ARHGAP15: variants seen among roughly 807,000 people sequenced by gnomAD.
ARHGAP15 encodes Rho GTPase activating protein 15, also known as rho GTPase-activating protein 15.
ARHGAP15 carries 51 observed loss-of-function variants against 63.7 expected under a neutral mutation model. The observed-to-expected ratio is 0.80, with a 90% CI of 0.64 to 1.01. The LOEUF (loss-of-function observed/expected upper bound fraction) is 1.01, where lower values mean the gene tolerates loss of function less well. Ranked by LOEUF, ARHGAP15 falls within the 50% of genes least tolerant of loss-of-function variation. ARHGAP15 has a pLI of 0.00. For missense variants in ARHGAP15, 560 were observed against 564.6 expected, an observed-to-expected ratio of 0.99 and a Z score of 0.08; for synonymous variants, 191 against 193.8, an observed-to-expected ratio of 0.99 and a Z score of 0.12.
chr2:143,765,148 G>GTGTGTGTGTGTGT lies in ARHGAP15; in HGVS notation c.1245-2840_1245-2839insGTGTGTGTGTGTT, dbSNP rs1559166659. On this transcript the variant is annotated intron_variant, in intron 13 of 13. Coordinates refer to ENST00000295095, the MANE Select transcript of ARHGAP15 (RefSeq NM_018460.4). ...GTGTGTGTGTGTGTGTGTGTGTGTG[G>GTGTGTGTGTGTGT]TAAAATTAATGAAGGAGTTCCCATC... Among the ~76,000 whole-genome samples the GTGTGTGTGTGTGT allele has an allele frequency of 3.9e-5, 5 of 127,632 alleles. No homozygotes were observed. In the East Asian group the frequency reaches 9.2e-4, roughly 24 times the overall value. 83.7% of individuals were successfully genotyped at this position (127,632 alleles called of 152,430 possible).
At chr2:143,502,737 G>T (rs562918557) in intron 9 of ARHGAP15, among the ~76,000 whole-genome samples, 1 of 151,992 alleles carries the variant, frequency 6.6e-6, no homozygotes, top group Non-Finnish European at 1.5e-5. Context: ...CCACCACTAT[G>T]CCTGGCTAAT....
chr2:143,717,261 G>A (rs567455240), intron 13 of ARHGAP15, among the ~76,000 whole-genome samples: 22 of 152,352 alleles, frequency 1.4e-4, no homozygotes, highest in East Asian at 1.3e-3. Context: ...TGTTTGGGGA[G>A]CATTGCTGTT....
At chr2:143,488,158 A>G (rs1006506294) in intron 9 of ARHGAP15, among the ~76,000 whole-genome samples, 21 of 152,234 alleles carry the variant, frequency 1.4e-4, no homozygotes, top group Admixed American at 5.9e-4. Context: ...ACATTGATCA[A>G]GTTATGATCT....
chr2:143,406,113 T>A (rs143002479), intron 6 of ARHGAP15, among the ~76,000 whole-genome samples: 1 of 151,898 alleles, frequency 6.6e-6, no homozygotes, highest in South Asian at 2.1e-4. Flanking sequence ...GCATCTTACA[T>A]GTCTTTTGTT....
intron 2 of ARHGAP15, among the ~76,000 whole-genome samples, 181 bp downstream of exon 2, chr2:143,155,836 A>G (rs1258084081): frequency 6.6e-6 from 1 of 151,944 alleles, no homozygotes; most frequent in Non-Finnish European, 1.5e-5. Context: ...GCAAGAGAAG[A>G]GCTGGGCTTA....
intron 8 of ARHGAP15, among the ~76,000 whole-genome samples, chr2:143,466,429 G>T (rs1691215728): frequency 6.6e-6 from 1 of 151,720 alleles, no homozygotes; most frequent in South Asian, 2.1e-4. Context: ...TGGGGAAAAA[G>T]AGTTGGTTGT....
At chr2:143,535,126 T>G (rs1183654844) in intron 10 of ARHGAP15, among the ~76,000 whole-genome samples, 1 of 152,110 alleles carries the variant, frequency 6.6e-6, no homozygotes, top group Non-Finnish European at 1.5e-5. Flanking sequence ...CTAAGTACAG[T>G]AATATACTTC....
chr2:143,251,959 C>A (rs761009007), intron 6 of ARHGAP15, among the ~76,000 whole-genome samples: 3 of 151,994 alleles, frequency 2.0e-5, no homozygotes, highest in Non-Finnish European at 4.4e-5. Flanking sequence ...ATAATTCTAG[C>A]CTTATGACAA....
intron 6 of ARHGAP15, among the ~76,000 whole-genome samples, chr2:143,419,757 A>G (rs1314744634): frequency 2.0e-5 from 3 of 152,102 alleles, no homozygotes; most frequent in Non-Finnish European, 4.4e-5. Flanking sequence ...TATGATTAGA[A>G]GTGTTTTTAG....
chr2:143,384,362 C>T (rs1346326068), intron 6 of ARHGAP15, among the ~76,000 whole-genome samples: 1 of 152,010 alleles, frequency 6.6e-6, no homozygotes, highest in Non-Finnish European at 1.5e-5. Context: ...ACGTTAGAAA[C>T]GTATGTCCCA....
intron 6 of ARHGAP15, among the ~76,000 whole-genome samples, chr2:143,428,143 CTA>C (rs1689213093): frequency 1.3e-5 from 2 of 151,906 alleles, no homozygotes. Context: ...GGGGGAATAT[CTA>C]TTTCAAAGAA....
intron 6 of ARHGAP15, among the ~76,000 whole-genome samples, chr2:143,339,213 A>G (rs776396296): frequency 3.3e-5 from 5 of 152,056 alleles, no homozygotes; most frequent in Non-Finnish European, 5.9e-5. Context: ...GGTAGTGAAA[A>G]AGATGACTGA....
chr2:143,677,717 A>G (rs890987955), intron 12 of ARHGAP15, among the ~76,000 whole-genome samples: 2 of 152,254 alleles, frequency 1.3e-5, no homozygotes, highest in African/African-American at 4.8e-5. Context: ...TTGTGCCTTC[A>G]TATAATGAAG....
At chr2:143,184,218 T>C (rs1691350353) in intron 2 of ARHGAP15, among the ~76,000 whole-genome samples, 2 of 152,228 alleles carry the variant, frequency 1.3e-5, no homozygotes, top group Non-Finnish European at 2.9e-5. Flanking sequence ...GAAGGACAAG[T>C]GCCTTTAGCA....
At chr2:143,316,950 T>C (rs1683747702) in intron 6 of ARHGAP15, among the ~76,000 whole-genome samples, 1 of 152,170 alleles carries the variant, frequency 6.6e-6, no homozygotes, top group Non-Finnish European at 1.5e-5. Context: ...TACGTAGTTA[T>C]AGTTTATGTA....
intron 10 of ARHGAP15, among the ~76,000 whole-genome samples, chr2:143,522,825 G>C (rs890162393): frequency 3.3e-5 from 5 of 152,142 alleles, no homozygotes; most frequent in Non-Finnish European, 5.9e-5. Flanking sequence ...GTGACATATA[G>C]TAGATACAAG....
chr2:143,256,541 C>T (rs1472715740), intron 6 of ARHGAP15, among the ~76,000 whole-genome samples: 1 of 152,042 alleles, frequency 6.6e-6, no homozygotes, highest in Non-Finnish European at 1.5e-5. Context: ...CCCTACCAAG[C>T]TGTTAATAGA....
chr2:143,618,741 C>T (rs772542475), intron 11 of ARHGAP15, among the ~76,000 whole-genome samples: 29 of 152,048 alleles, frequency 1.9e-4, no homozygotes, highest in Admixed American at 7.2e-4. Context: ...CAGGTTGAGT[C>T]TAGTTAAAAT....
chr2:143,430,169 C>A (rs1689320238), intron 6 of ARHGAP15, among the ~76,000 whole-genome samples: 1 of 138,074 alleles, frequency 7.2e-6, no homozygotes, highest in Non-Finnish European at 1.6e-5. Flanking sequence ...AGAGAGTTGC[C>A]AAAGTAACTT....
Sources: allele counts gnomAD v4.1 joint callset (sites outside exome capture counted in the v4.1 genomes callset), GRCh38; gene constraint gnomAD v4.1.1; transcripts MANE v1.5; gene names NCBI Gene and HGNC (gene_info 2026-07-23, HGNC 2026-07-21).